The following H2BN1 variants were observed in gnomAD, a reference collection of about 807,000 sequenced individuals.
H2BN1 encodes histone H2B.N.
chr17:32,896,143 T>C, the H2BN1 span, among the ~76,000 whole-genome samples: 4 of 152,170 alleles, frequency 2.6e-5, no homozygotes, highest in African/African-American at 4.8e-5. Context: ...CTTGAACTCC[T>C]GGGCTCAAGC....
the H2BN1 span, among the ~76,000 whole-genome samples, chr17:32,900,084 A>C: frequency 9.2e-5 from 14 of 152,238 alleles, no homozygotes; most frequent in African/African-American, 3.1e-4. Flanking sequence ...ACAATTGACA[A>C]GGAAATTTGT....
the H2BN1 span, among the ~76,000 whole-genome samples, chr17:32,899,178 T>G: frequency 1.3e-5 from 2 of 152,240 alleles, no homozygotes; most frequent in Non-Finnish European, 1.5e-5. Flanking sequence ...TTTGTTTTAT[T>G]ATACTTGGCC....
chr17:32,896,531 G>A, the H2BN1 span, among the ~76,000 whole-genome samples: 3 of 152,192 alleles, frequency 2.0e-5, no homozygotes, highest in African/African-American at 7.2e-5. Flanking sequence ...GTAAGTTTGA[G>A]TGTTCACGTG....
the H2BN1 span, among the ~76,000 whole-genome samples, chr17:32,903,659 G>A: frequency 6.6e-6 from 1 of 152,276 alleles, no homozygotes; most frequent in East Asian, 1.9e-4. Context: ...AGGCAGAAGA[G>A]AAAAATAGCG....
At chr17:32,902,674 A>G in the H2BN1 span, among the ~76,000 whole-genome samples, 6 of 152,222 alleles carry the variant, frequency 3.9e-5, no homozygotes, top group Non-Finnish European at 8.8e-5. Flanking sequence ...CCCCATCTTT[A>G]CTAAAAATTC....
the H2BN1 span, among the ~76,000 whole-genome samples, chr17:32,896,313 G>A: frequency 2.0e-5 from 3 of 152,084 alleles, no homozygotes; most frequent in Admixed American, 6.5e-5. Context: ...ATCAGTTTTC[G>A]TCAAATGATG....
chr17:32,898,174 G>A, the H2BN1 span, among the ~76,000 whole-genome samples: 4 of 152,228 alleles, frequency 2.6e-5, no homozygotes, highest in Non-Finnish European at 5.9e-5. Flanking sequence ...GTGTGTCCGT[G>A]ACACAGTCTC....
At chr17:32,897,647 G>A in the H2BN1 span, among the ~76,000 whole-genome samples, 36 of 152,324 alleles carry the variant, frequency 2.4e-4, no homozygotes, top group East Asian at 5.0e-3. Flanking sequence ...ACACAGATAA[G>A]GGAGCTGGCA....
the H2BN1 span, among the ~76,000 whole-genome samples, chr17:32,903,831 TCTC>T: frequency 6.6e-6 from 1 of 152,204 alleles, no homozygotes; most frequent in Non-Finnish European, 1.5e-5. Flanking sequence ...CTCCTTGTTT[TCTC>T]CTCATTAGAT....
the H2BN1 span, among the ~76,000 whole-genome samples, chr17:32,901,906 ACTTTCT>A: frequency 1.3e-5 from 2 of 152,108 alleles, no homozygotes; most frequent in Admixed American, 6.6e-5. Context: ...AGATCATTAT[ACTTTCT>A]CTTTAATTGA....
At chr17:32,897,358 TACACACACACACAC>T in the H2BN1 span, among the ~76,000 whole-genome samples, 2 of 123,952 alleles carry the variant, frequency 1.6e-5, no homozygotes, top group East Asian at 2.3e-4. Flanking sequence ...CTCTCTGTCT[TACACACACACACAC>T]ACACACACAC....
the H2BN1 span, among the ~76,000 whole-genome samples, chr17:32,900,924 T>C: frequency 6.6e-6 from 1 of 152,014 alleles, no homozygotes; most frequent in South Asian, 2.1e-4. Flanking sequence ...AATTTTAATC[T>C]CGGCCAGGTG....
the H2BN1 span, among the ~76,000 whole-genome samples, chr17:32,896,060 G>A: frequency 6.6e-6 from 1 of 152,158 alleles, no homozygotes; most frequent in Middle Eastern, 3.4e-3. Context: ...ACCATGCCTA[G>A]CTAATTTGCT....
the H2BN1 span, among the ~76,000 whole-genome samples, chr17:32,900,742 T>C: frequency 2.0e-5 from 3 of 151,934 alleles, no homozygotes; most frequent in African/African-American, 7.2e-5. Flanking sequence ...CCACCACACC[T>C]GGCTAATTTT....
At chr17:32,895,815 C>T in the H2BN1 span, among the ~76,000 whole-genome samples, 1 of 152,336 alleles carries the variant, frequency 6.6e-6, no homozygotes, top group African/African-American at 2.4e-5. Context: ...CTGTTGGCAG[C>T]AGCTCTGAAC....
At chr17:32,899,421 T>C in the H2BN1 span, among the ~76,000 whole-genome samples, 1 of 152,154 alleles carries the variant, frequency 6.6e-6, no homozygotes, top group East Asian at 1.9e-4. Context: ...TCTTTACTTA[T>C]CATAAGTCAG....
chr17:32,901,761 G>T, the H2BN1 span, among the ~76,000 whole-genome samples: 9 of 152,132 alleles, frequency 5.9e-5, no homozygotes, highest in Non-Finnish European at 5.9e-5. Context: ...AATGAAAGTT[G>T]AACTTTGGGC....
chr17:32,901,074 G>A, the H2BN1 span, among the ~76,000 whole-genome samples: 80 of 152,118 alleles, frequency 5.3e-4, no homozygotes, highest in East Asian at 7.8e-3. Flanking sequence ...TGGGCATGGT[G>A]GCATGTGCCT....
the H2BN1 span, among the ~76,000 whole-genome samples, chr17:32,895,539 A>T: frequency 6.6e-6 from 1 of 152,184 alleles, no homozygotes; most frequent in African/African-American, 2.4e-5. Flanking sequence ...ACTGGGAAGA[A>T]GAGGAGGTGG....
Sources: gnomAD v4.1 joint callset for allele counts (sites outside exome capture counted in the v4.1 genomes callset) on GRCh38, gnomAD v4.1.1 for gene constraint, MANE v1.5 for transcripts, NCBI Gene and HGNC (gene_info 2026-07-23, HGNC 2026-07-21) for gene names.